Variants in SLC24A3 observed in about 807,000 individuals in gnomAD.
SLC24A3 encodes solute carrier family 24 member 3.
Under a neutral mutation model 75.8 loss-of-function variants are expected in SLC24A3, and 28 were observed. That is an observed-to-expected ratio of 0.37 (90% CI 0.27 to 0.51). The LOEUF (loss-of-function observed/expected upper bound fraction) is 0.51. Ranked by LOEUF, SLC24A3 falls within the 20% of genes least tolerant of loss-of-function variation. The pLI, the probability that SLC24A3 is intolerant of heterozygous loss-of-function variation, is 0.94. For synonymous variants in SLC24A3, 372 were observed against 334.1 expected (o/e 1.11, Z -1.24); for missense variants, 663 against 847.8 (o/e 0.78, Z 2.71).
intron 1 of SLC24A3, among the ~76,000 whole-genome samples, chr20:19,253,478 G>A (rs1692906781): frequency 6.6e-6 from 1 of 152,164 alleles, no homozygotes; most frequent in Admixed American, 6.5e-5. Flanking sequence ...CCCTTTCCAT[G>A]TTGTATTTGC....
intron 2 of SLC24A3, among the ~76,000 whole-genome samples, chr20:19,382,127 C>T (rs908436247): frequency 6.6e-6 from 1 of 152,196 alleles, no homozygotes. Context: ...AGGGTGTCAG[C>T]GTCTTGATAA....
chr20:19,326,959 A>G (rs1984876915), intron 2 of SLC24A3, among the ~76,000 whole-genome samples: 1 of 152,186 alleles, frequency 6.6e-6, no homozygotes, highest in Non-Finnish European at 1.5e-5. Flanking sequence ...TCCTGTTTAG[A>G]AACTCATTAG....
chr20:19,628,653 T>C (rs3790276), intron 6 of SLC24A3, among the ~76,000 whole-genome samples: 7 of 151,880 alleles, frequency 4.6e-5, no homozygotes, highest in African/African-American at 1.5e-4. Flanking sequence ...AGCACACTTT[T>C]GATACCTGGG....
At chr20:19,592,382 A>G (rs924068144) in intron 6 of SLC24A3, among the ~76,000 whole-genome samples, 1 of 152,182 alleles carries the variant, frequency 6.6e-6, no homozygotes, top group African/African-American at 2.4e-5. Context: ...CCTTCTGTCC[A>G]ATTTATTTCC....
chr20:19,354,600 G>A (rs1369058875), intron 2 of SLC24A3, among the ~76,000 whole-genome samples: 1 of 139,048 alleles, frequency 7.2e-6, no homozygotes, highest in East Asian at 2.1e-4. Flanking sequence ...GTGTGTGTGT[G>A]TGTGTGTGTG....
rs751843327 is a variant in SLC24A3 at position 19,585,484 on chromosome 20, G to A, written c.552G>A (p.Val184=). 9.9e-6 allele frequency: 16 copies of A among 1,614,026 alleles called. No homozygotes were observed. Among genetic ancestry groups the A allele is most frequent in the Middle Eastern group, 1.6e-4 (1 of 6,084 alleles). Residue 184 remains valine, a synonymous_variant, in exon 6 of 17, where the codon GTG becomes GTA. Coordinates refer to ENST00000328041, the MANE Select transcript of SLC24A3 (RefSeq NM_020689.4). ...GCGATGTGGGAGTTGGCACCATCGT[G>A]GGCTCAGCGGTATTCAACATCCTGT... ...TKGDVGVGTI[V]GSAVFNILCI...
At chr20:19,243,298 C>CAGA (rs1982386831) in intron 1 of SLC24A3, among the ~76,000 whole-genome samples, 1 of 152,180 alleles carries the variant, frequency 6.6e-6, no homozygotes. Flanking sequence ...TCAAACAACA[C>CAGA]AGAAGTTTCC....
At chr20:19,664,639 A>T (rs2032376418) in intron 7 of SLC24A3, among the ~76,000 whole-genome samples, 1 of 152,082 alleles carries the variant, frequency 6.6e-6, no homozygotes, top group Non-Finnish European at 1.5e-5. Context: ...TTGTTAACTG[A>T]GTTTCCCATC....
Position 19,585,005 on chromosome 20 carries a change from C to A in SLC24A3, c.458C>A (p.Thr153Lys). ...CTCAGTGAAGATGTGGCTGGGGCCA[C>A]ATTCATGGCAGCGGGAAGTTCGGCC... is the stretch of plus-strand genomic sequence containing the variant. ...LHLSEDVAGA[T>K]FMAAGSSAPE... Residue 153 changes from threonine (T) to lysine (K), a missense_variant, in exon 5 of 17, where the codon ACA becomes AAA. Around this residue, in one of 2 missense-constraint regions of SLC24A3, gnomAD observed 510 missense variants for 703.6 expected, o/e 0.72. Transcript: ENST00000328041. The A allele has an allele frequency of 6.2e-7, 1 of 1,613,926 alleles. No individual in the cohort carries two copies. Among genetic ancestry groups the A allele is most frequent in the Non-Finnish European group, 8.5e-7 (1 of 1,179,826 alleles).
At chr20:19,454,474 C>G (rs1158520531) in intron 2 of SLC24A3, among the ~76,000 whole-genome samples, 1 of 152,134 alleles carries the variant, frequency 6.6e-6, no homozygotes, top group Non-Finnish European at 1.5e-5. Context: ...GGATGGTATA[C>G]AGCTGCTATG....
In SLC24A3 at chr20:19,380,525, A is replaced by G. The variant is rs369293423; in HGVS notation, c.271+99438A>G. 2.0e-3 allele frequency among the ~76,000 whole-genome samples: 304 copies of G among 152,278 alleles called. 1 individual carries two copies. Among genetic ancestry groups the G allele is most frequent in the African/African-American group, 6.9e-3 (287 of 41,556 alleles). On this transcript the variant is annotated intron_variant, in intron 2 of 16. Transcript: ENST00000328041. ...GGCTGCTGAGCTGCTGTGGACTGGA[A>G]GGGGGAAGATTCAACCTCCGATGAT...
chr20:19,457,908 G>A (rs1428684721), intron 2 of SLC24A3, among the ~76,000 whole-genome samples: 12 of 152,194 alleles, frequency 7.9e-5, no homozygotes, highest in Non-Finnish European at 1.5e-5. Context: ...GTTCAGAGGT[G>A]GCAAAGCCTT....
chr20:19,360,872 G>A (rs928358007), intron 2 of SLC24A3, among the ~76,000 whole-genome samples: 1 of 151,784 alleles, frequency 6.6e-6, no homozygotes, highest in Non-Finnish European at 1.5e-5. Flanking sequence ...TGTCGGCCAG[G>A]CTGGAGTGCA....
intron 2 of SLC24A3, among the ~76,000 whole-genome samples, chr20:19,405,048 C>T (rs752245835): frequency 6.6e-5 from 10 of 152,192 alleles, no homozygotes; most frequent in Non-Finnish European, 1.2e-4. Flanking sequence ...GGAGGTCCTA[C>T]ATCCACAGGG....
chr20:19,425,105 C>T (rs1407526892), intron 2 of SLC24A3, among the ~76,000 whole-genome samples: 1 of 152,104 alleles, frequency 6.6e-6, no homozygotes, highest in Non-Finnish European at 1.5e-5. Flanking sequence ...GAGTTCAAAA[C>T]CAGCCTGACC....
At chr20:19,453,372 T>C (rs954204723) in intron 2 of SLC24A3, among the ~76,000 whole-genome samples, 2 of 152,168 alleles carry the variant, frequency 1.3e-5, no homozygotes, top group Non-Finnish European at 2.9e-5. Flanking sequence ...AAGTGTGATT[T>C]ATGGCTTTGG....
chr20:19,552,809 C>T (rs6046178), intron 3 of SLC24A3, among the ~76,000 whole-genome samples: 90,877 of 151,902 alleles, frequency 0.6, 28,898 homozygotes, highest in Non-Finnish European at 0.69. Flanking sequence ...GTGACTCCTC[C>T]AGTGTCAGTT....
intron 2 of SLC24A3, among the ~76,000 whole-genome samples, chr20:19,432,588 A>G (rs1317889613): frequency 6.6e-6 from 1 of 152,196 alleles, no homozygotes; most frequent in African/African-American, 2.4e-5. Context: ...AAGCAACAAA[A>G]GTCAGCAGCT....
At chr20:19,664,330 C>T (rs1260235775) in intron 7 of SLC24A3, among the ~76,000 whole-genome samples, 6 of 152,152 alleles carry the variant, frequency 3.9e-5, no homozygotes, top group Admixed American at 3.9e-4. Context: ...AGATTGTTGC[C>T]TTTATTTCTT....
Sources: allele counts gnomAD v4.1 joint callset (sites outside exome capture counted in the v4.1 genomes callset), GRCh38; gene constraint gnomAD v4.1.1; regional missense constraint gnomAD v4.1.1; transcripts MANE v1.5; gene names NCBI Gene and HGNC (gene_info 2026-07-23, HGNC 2026-07-21).